ATP6V0D2: variants seen among roughly 807,000 people sequenced by gnomAD.
ATP6V0D2 encodes the protein ATPase H+ transporting V0 subunit d2, also known as V-type proton ATPase subunit d 2.
In ATP6V0D2, 40 loss-of-function variants were observed where a neutral mutation model predicts 40.0. That is an observed-to-expected ratio of 1.00 (90% CI 0.78 to 1.30). The LOEUF (loss-of-function observed/expected upper bound fraction) is 1.30. Among genes scored for constraint, ATP6V0D2 ranks in the 50% most tolerant of loss-of-function variants. The pLI is 0.00. For synonymous variants in ATP6V0D2, 179 were observed against 156.3 expected (o/e 1.15, Z -1.08); for missense variants, 470 against 423.1 (o/e 1.11, Z -0.97).
intron 2 of ATP6V0D2, among the ~76,000 whole-genome samples, chr8:86,118,081 C>CTTTTTTTTTTTTTT (rs1554587902): frequency 5.8e-5 from 3 of 52,152 alleles, no homozygotes; most frequent in African/African-American, 6.7e-5. Context: ...TTCTTTCTTT[C>CTTTTTTTTTTTTTT]TTTCTTTTTT....
intron 2 of ATP6V0D2, among the ~76,000 whole-genome samples, chr8:86,128,641 G>A (rs972254038): frequency 6.6e-6 from 1 of 152,182 alleles, no homozygotes; most frequent in African/African-American, 2.4e-5. Context: ...ACTTTTTGAA[G>A]TTCGGATAAC....
intron 2 of ATP6V0D2, among the ~76,000 whole-genome samples, chr8:86,116,712 G>A (rs376196277): frequency 9.2e-5 from 14 of 152,178 alleles, no homozygotes; most frequent in African/African-American, 3.4e-4. Flanking sequence ...TTTCTATGCA[G>A]GTCTTGAACT....
rs774220109 is a variant in ATP6V0D2 at position 86,113,756 on chromosome 8, A to C, written c.178A>C (p.Asn60His). The C allele has an allele frequency of 6.2e-7, 1 of 1,613,176 alleles. No individual in the cohort carries two copies. Among genetic ancestry groups the C allele is most frequent in the Admixed American group, 1.7e-5 (1 of 59,914 alleles). Residue 60 changes from asparagine (N) to histidine (H), a missense_variant, in exon 2 of 8, where the codon AAT becomes CAT. Coordinates refer to ENST00000285393, the MANE Select transcript of ATP6V0D2 (RefSeq NM_152565.1). Reference sequence around the variant, plus strand: ...TACTGATTATGGTAACTTTTTGGCTAATCACACAAATCCTCTTACTGTTTC... The same window carrying C: ...TACTGATTATGGTAACTTTTTGGCTCATCACACAAATCCTCTTACTGTTTC... The part of the protein sequence containing the change: ...QTTDYGNFLA[N>H]HTNPLTVSKI...
intron 6 of ATP6V0D2, 61 bp from the exon 7 acceptor site, chr8:86,151,405 A>G (rs1819149507): frequency 3.6e-6 from 4 of 1,121,126 alleles, no homozygotes; most frequent in Admixed American, 2.7e-5. Context: ...TAGGAAAAAT[A>G]TATTTATATA....
At chr8:86,110,687 T>G (rs1818519260) in intron 1 of ATP6V0D2, among the ~76,000 whole-genome samples, 1 of 152,218 alleles carries the variant, frequency 6.6e-6, no homozygotes, top group Non-Finnish European at 1.5e-5. Flanking sequence ...AATGTCTACG[T>G]GCAAGACAAT....
At chr8:86,137,830 G>T (rs919938591) in intron 2 of ATP6V0D2, among the ~76,000 whole-genome samples, 6 of 152,122 alleles carry the variant, frequency 3.9e-5, no homozygotes, top group Non-Finnish European at 8.8e-5. Context: ...GTCATCATGG[G>T]TTGTATTTTC....
At chr8:86,141,279 T>C (rs1256909531) in intron 3 of ATP6V0D2, among the ~76,000 whole-genome samples, 171 bp from the exon 4 acceptor site, 1 of 152,202 alleles carries the variant, frequency 6.6e-6, no homozygotes, top group East Asian at 1.9e-4. Context: ...TAAAAAGTAA[T>C]AACTGCTTTC....
chr8:86,146,910 T>G (rs948876764), intron 5 of ATP6V0D2, among the ~76,000 whole-genome samples: 10 of 152,174 alleles, frequency 6.6e-5, no homozygotes, highest in Non-Finnish European at 1.5e-4. Flanking sequence ...TACTCTCATT[T>G]GGCCAGAGAC....
intron 2 of ATP6V0D2, among the ~76,000 whole-genome samples, chr8:86,137,533 G>A (rs972651570): frequency 6.6e-6 from 1 of 152,060 alleles, no homozygotes; most frequent in Non-Finnish European, 1.5e-5. Context: ...GTCTCGAATC[G>A]GCAGCTGTCT....
intron 5 of ATP6V0D2, among the ~76,000 whole-genome samples, chr8:86,146,514 A>C (rs962293177): frequency 1.3e-4 from 20 of 152,066 alleles, no homozygotes; most frequent in African/African-American, 4.8e-4. Flanking sequence ...TGGGCAACAT[A>C]GCAAAATCCT....
chr8:86,117,819 A>C (rs192685952), intron 2 of ATP6V0D2, among the ~76,000 whole-genome samples: 1 of 152,238 alleles, frequency 6.6e-6, no homozygotes, highest in Non-Finnish European at 1.5e-5. Context: ...GTAGATGGGA[A>C]GGTTGTTCCA....
intron 2 of ATP6V0D2, among the ~76,000 whole-genome samples, chr8:86,117,777 G>A (rs970524935): frequency 1.3e-5 from 2 of 152,140 alleles, no homozygotes; most frequent in Admixed American, 6.5e-5. Context: ...TTGGCAATAC[G>A]GGAGAAGCCT....
chr8:86,150,881 C>T lies in ATP6V0D2; in HGVS notation c.817-585C>T, dbSNP rs542764692. ...CTCAGCTTCCATTCCCTCTCACTTG[C>T]ACACATTTACATAACCTCCAGGTAA... is the stretch of plus-strand genomic sequence containing the variant. On this transcript the variant is annotated intron_variant, in intron 6 of 7. Coordinates refer to ENST00000285393, the MANE Select transcript of ATP6V0D2 (RefSeq NM_152565.1). Among the ~76,000 whole-genome samples the T allele has an allele frequency of 7.2e-5, 11 of 152,268 alleles. No homozygotes were observed. The South Asian group carries it at 2.1e-3, about 29-fold the overall frequency.
rs531216226 is a variant in ATP6V0D2 at position 86,135,966 on chromosome 8, G to T, written c.303-3491G>T. ...GTAAACTGTCTTCTGGTTACATTAT[G>T]TCCCTGTCACCCCAACAGCCAATGA... is the stretch of plus-strand genomic sequence containing the variant. On this transcript the variant is annotated intron_variant, in intron 2 of 7. Transcript: ENST00000285393. Among the ~76,000 whole-genome samples, 8 of 152,214 alleles carry T rather than the reference G, an allele frequency of 5.3e-5. 1 individual carries two copies. In the South Asian group the frequency reaches 1.7e-3, roughly 32 times the overall value.
chr8:86,143,103 T>C, intron 5 of ATP6V0D2, 149 bp downstream of exon 5: 1 of 502,670 alleles, frequency 2.0e-6, no homozygotes, highest in Non-Finnish European at 3.5e-6. Flanking sequence ...TATGATTTGA[T>C]ATATTTGATT....
chr8:86,135,304 A>G (rs1293809548), intron 2 of ATP6V0D2, among the ~76,000 whole-genome samples: 2 of 152,256 alleles, frequency 1.3e-5, no homozygotes, highest in Non-Finnish European at 2.9e-5. Context: ...GTTATCATAC[A>G]GAAAATATAT....
At chr8:86,141,667 A>C in intron 4 of ATP6V0D2, 138 bp downstream of exon 4, 1 of 591,824 alleles carries the variant, frequency 1.7e-6, no homozygotes, top group Non-Finnish European at 2.8e-6. Flanking sequence ...TAGCTTTTAT[A>C]GTTCTGGCCT....
rs1819045973 is a variant in ATP6V0D2 at position 86,145,298 on chromosome 8, AAAGAAAGAAAGAAAAGAAAG to A, written c.639+2348_639+2367del. Among the ~76,000 whole-genome samples, 3 of 108,406 alleles carry A rather than the reference AAAGAAAGAAAGAAAAGAAAG, an allele frequency of 2.8e-5. No homozygotes were observed. In the East Asian group the frequency reaches 9.1e-4, roughly 33 times the overall value. 71.1% of individuals were successfully genotyped at this position (108,406 alleles called of 152,430 possible). A position where few individuals can be genotyped will look rare whatever the true frequency, so the allele number is the denominator to read the frequency against. On this transcript the variant is annotated intron_variant, in intron 5 of 7. Transcript: ENST00000285393. ...GAAAGAAAGAAAGAAAGAAAGAAAG[AAAGAAAGAAAGAAAAGAAAG>A]AAGGAAAGAAGGAAAGAAGGAAAGA...
At chr8:86,152,671 A>T (rs997923820) in intron 7 of ATP6V0D2, 145 bp from the exon 8 acceptor site, 10 of 627,556 alleles carry the variant, frequency 1.6e-5, no homozygotes, top group Non-Finnish European at 2.5e-5. Flanking sequence ...AGTTGTCACC[A>T]TACTCCTCTA....
Sources: allele counts gnomAD v4.1 joint callset (sites outside exome capture counted in the v4.1 genomes callset), GRCh38; gene constraint gnomAD v4.1.1; transcripts MANE v1.5; gene names NCBI Gene and HGNC (gene_info 2026-07-23, HGNC 2026-07-21).